CYP39A1: variants seen among roughly 807,000 people sequenced by gnomAD.
CYP39A1 encodes the protein 24-hydroxycholesterol 7-alpha-hydroxylase.
CYP39A1 carries 49 observed loss-of-function variants against 58.1 expected under a neutral mutation model. The ratio of observed to expected loss-of-function variants is 0.84; its 90% CI spans 0.67 to 1.07. The LOEUF is 1.07. Among genes scored for constraint, CYP39A1 ranks in the 50% least tolerant of loss-of-function variants. CYP39A1 has a pLI of 0.00. For missense variants in CYP39A1, 531 were observed against 539.4 expected, an observed-to-expected ratio of 0.98 and a Z score of 0.16; for synonymous variants, 209 against 187.6, an observed-to-expected ratio of 1.11 and a Z score of -0.93.
At chr6:46,601,197 A>C (rs1449789671) in intron 7 of CYP39A1, among the ~76,000 whole-genome samples, 3 of 149,636 alleles carry the variant, frequency 2.0e-5, no homozygotes, top group Non-Finnish European at 3.0e-5. Context: ...TTAAACAATC[A>C]GCAAAATTTG....
chr6:46,635,111 T>A (rs2150586462), intron 5 of CYP39A1, among the ~76,000 whole-genome samples: 1 of 152,224 alleles, frequency 6.6e-6, no homozygotes, highest in East Asian at 1.9e-4. Context: ...CCTTTCTAGT[T>A]TTAAGCAAAG....
At chr6:46,561,636 G>A (rs1179350879) in intron 10 of CYP39A1, among the ~76,000 whole-genome samples, 4 of 152,050 alleles carry the variant, frequency 2.6e-5, no homozygotes, top group Admixed American at 1.3e-4. Context: ...CTTTAATAAC[G>A]AAAGTGCCCC....
chr6:46,644,839 T>G (rs1205897879), intron 1 of CYP39A1, among the ~76,000 whole-genome samples: 1 of 152,234 alleles, frequency 6.6e-6, no homozygotes, highest in East Asian at 1.9e-4. Context: ...GCCGTTCTGA[T>G]AGATGTGTAG....
rs567830644 is a variant in CYP39A1 at position 46,607,153 on chromosome 6, G to A, written c.932-11033C>T. On this transcript the variant is annotated intron_variant, in intron 7 of 11. Coordinates refer to ENST00000275016, the MANE Select transcript of CYP39A1 (RefSeq NM_016593.5). ...TTCCTCAAAGACAAGAAGGGAATGA[G>A]AAACACACGGCCACTGCCTTAAAGG... Among the ~76,000 whole-genome samples, 33 of 152,182 alleles carry A rather than the reference G, an allele frequency of 2.2e-4. 2 individuals carry two copies. The South Asian group carries it at 6.8e-3, about 32-fold the overall frequency.
rs988053550 is a variant in CYP39A1, at chr6:46,599,865, T to G, written c.932-3745A>C. 2.0e-5 allele frequency among the ~76,000 whole-genome samples: 3 copies of G among 152,152 alleles called. No homozygotes were observed. The East Asian group carries it at 5.8e-4, about 29-fold the overall frequency. On this transcript the variant is annotated intron_variant, in intron 7 of 11. Coordinates refer to ENST00000275016, the MANE Select transcript of CYP39A1 (RefSeq NM_016593.5). The stretch of plus-strand genomic sequence containing the variant: ...CACTGGCCTACACAGAACTCTTCAC[T>G]TGCCCCACTGAAATAAAGCCTTTCT...
chr6:46,641,563 C>A (rs1430644862), intron 2 of CYP39A1, among the ~76,000 whole-genome samples: 1 of 152,042 alleles, frequency 6.6e-6, no homozygotes, highest in Non-Finnish European at 1.5e-5. Context: ...CTCTGCGTTC[C>A]AGGGAGGACA....
chr6:46,635,705 C>T (rs1009000942), intron 5 of CYP39A1, among the ~76,000 whole-genome samples: 1 of 152,168 alleles, frequency 6.6e-6, no homozygotes, highest in Non-Finnish European at 1.5e-5. Flanking sequence ...CAGGTGTGTG[C>T]AACCATGCCT....
At position 46,596,135 on chromosome 6, in the gene CYP39A1, T is replaced by G; in HGVS notation, c.932-15A>C. On this transcript the variant is annotated splice_polypyrimidine_tract_variant and intron_variant, in intron 7 of 11. Transcript: ENST00000275016. ...CTTATCTTTGCCTGTAAAAAAATTTTTAATGAGAAATAAATAGACTACAGA... is the reference window on the plus strand; with the variant it reads ...CTTATCTTTGCCTGTAAAAAAATTTGTAATGAGAAATAAATAGACTACAGA... 6.3e-7 allele frequency: 1 copy of G among 1,590,692 alleles called. No homozygotes were observed. Among genetic ancestry groups the G allele is most frequent in the Non-Finnish European group, 8.6e-7 (1 of 1,167,742 alleles).
At chr6:46,608,775 G>C (rs1447727020) in intron 7 of CYP39A1, among the ~76,000 whole-genome samples, 1 of 151,746 alleles carries the variant, frequency 6.6e-6, no homozygotes, top group African/African-American at 2.4e-5. Flanking sequence ...CCACAAACCC[G>C]GCTAATTTAT....
rs184158871 is a variant in CYP39A1, at chr6:46,622,155, C to T, written c.931+3263G>A. On this transcript the variant is annotated intron_variant, in intron 7 of 11. Coordinates refer to ENST00000275016, the MANE Select transcript of CYP39A1 (RefSeq NM_016593.5). The stretch of plus-strand genomic sequence containing the variant: ...TCAGGACAATAAGTAAATTAATGGT[C>T]GTCAGAAGCTAGAAATAGAAGGAAA... Among the ~76,000 whole-genome samples the T allele has an allele frequency of 3.7e-4, 56 of 151,990 alleles. 1 individual carries two copies. The East Asian group carries it at 7.9e-3, about 22-fold the overall frequency.
intron 10 of CYP39A1, among the ~76,000 whole-genome samples, chr6:46,569,454 A>G (rs1771466295): frequency 6.6e-6 from 1 of 152,030 alleles, no homozygotes; most frequent in Non-Finnish European, 1.5e-5. Flanking sequence ...GTTCCTGGTC[A>G]TAGAGAAAAG....
intron 8 of CYP39A1, among the ~76,000 whole-genome samples, chr6:46,592,146 G>C (rs1387755617): frequency 6.6e-6 from 1 of 152,188 alleles, no homozygotes; most frequent in African/African-American, 2.4e-5. Context: ...AGAAAGTAGA[G>C]AGTGTTCGTC....
chr6:46,623,588 A>C (rs1775110986), intron 7 of CYP39A1, among the ~76,000 whole-genome samples: 1 of 152,140 alleles, frequency 6.6e-6, no homozygotes, highest in African/African-American at 2.4e-5. Context: ...CTCCATAGTC[A>C]GGTCAGCCAA....
At chr6:46,622,735 G>T (rs540468910) in intron 7 of CYP39A1, among the ~76,000 whole-genome samples, 1 of 152,266 alleles carries the variant, frequency 6.6e-6, no homozygotes, top group African/African-American at 2.4e-5. Flanking sequence ...TTAGATAGAA[G>T]GTGTACAGGA....
Position 46,652,451 on chromosome 6 carries a change from C to G in CYP39A1, c.132G>C (p.Glu44Asp). ...GWIPWIGVGF[E>D]FGKAPLEFIE... ...TAAATTCTAGAGGGGCTTTCCCAAACTCAAATCCAACTCCAATCCAAGGAA... is the reference window on the plus strand; with the variant it reads ...TAAATTCTAGAGGGGCTTTCCCAAAGTCAAATCCAACTCCAATCCAAGGAA... The change falls in exon 1 of 12, where the codon GAG becomes GAC. Residue 44 changes from glutamate to aspartate, a missense_variant. By Grantham distance (45) the Glu-to-Asp change is conservative. Transcript: ENST00000275016. 1.2e-6 allele frequency: 2 copies of G among 1,613,850 alleles called. No homozygotes were observed. Among genetic ancestry groups the G allele is most frequent in the Non-Finnish European group, 1.7e-6 (2 of 1,179,914 alleles).
intron 7 of CYP39A1, among the ~76,000 whole-genome samples, chr6:46,600,489 C>A (rs1308934169): frequency 6.6e-6 from 1 of 152,048 alleles, no homozygotes; most frequent in Non-Finnish European, 1.5e-5. Flanking sequence ...GGCTAGTTGT[C>A]AAAGGAACCA....
At chr6:46,595,245 A>C (rs1773078200) in intron 8 of CYP39A1, among the ~76,000 whole-genome samples, 1 of 151,996 alleles carries the variant, frequency 6.6e-6, no homozygotes, top group Non-Finnish European at 1.5e-5. Flanking sequence ...GGTAAACAGT[A>C]TGAAGGTTCC....
chr6:46,635,981 T>C (rs1439864756), intron 5 of CYP39A1, among the ~76,000 whole-genome samples: 1 of 152,166 alleles, frequency 6.6e-6, no homozygotes, highest in Non-Finnish European at 1.5e-5. Context: ...TGCCTGGCTT[T>C]TTAAATTATA....
intron 7 of CYP39A1, among the ~76,000 whole-genome samples, chr6:46,599,775 A>G (rs1471997789): frequency 6.6e-6 from 1 of 152,068 alleles, no homozygotes; most frequent in Non-Finnish European, 1.5e-5. Context: ...TGAGCTCCAG[A>G]TTATTGTTAT....
Sources: gnomAD v4.1 joint callset for allele counts (sites outside exome capture counted in the v4.1 genomes callset) on GRCh38, gnomAD v4.1.1 for gene constraint, MANE v1.5 for transcripts, NCBI Gene and HGNC (gene_info 2026-07-23, HGNC 2026-07-21) for gene names.